Variants in RBM17 observed in about 807,000 individuals in gnomAD.
The protein encoded by RBM17 is splicing factor 45.
RBM17 carries 7 observed loss-of-function variants against 53.2 expected under a neutral mutation model. The observed-to-expected ratio is 0.13, with a 90% CI of 0.07 to 0.25. The LOEUF (loss-of-function observed/expected upper bound fraction) is 0.25. Ranked by LOEUF, RBM17 falls within the 10% of genes least tolerant of loss-of-function variation. The pLI, the probability that RBM17 is intolerant of heterozygous loss-of-function variation, is 1.00. For synonymous variants in RBM17, 167 were observed against 178.1 expected, an observed-to-expected ratio of 0.94 and a Z score of 0.50; for missense variants, 257 against 496.7, an observed-to-expected ratio of 0.52 and a Z score of 4.59.
chr10:6,110,060 G>A lies in RBM17; in HGVS notation c.637G>A (p.Val213Met). The change falls in exon 7 of 12, where the codon GTG becomes ATG. Residue 213 changes from valine (V) to methionine (M), a missense_variant. By Grantham distance (21) the Val-to-Met change is conservative (BLOSUM62 1). Coordinates refer to ENST00000379888, the MANE Select transcript of RBM17 (RefSeq NM_032905.5). The part of the protein sequence containing the change: ...QSSKAAIPPP[V>M]YEEQDRPRSP... ...TTCCAAAGCAGCCATTCCTCCCCCAGTGTACGAGGAACAAGACAGACCGAG... is the reference window on the plus strand; with the variant it reads ...TTCCAAAGCAGCCATTCCTCCCCCAATGTACGAGGAACAAGACAGACCGAG... 1 of 1,612,484 alleles carries A rather than the reference G, an allele frequency of 6.2e-7. No individual in the cohort carries two copies. Among genetic ancestry groups the A allele is most frequent in the Non-Finnish European group, 8.5e-7 (1 of 1,179,038 alleles).
intron 2 of RBM17, among the ~76,000 whole-genome samples, chr10:6,099,452 A>AG (rs937488548): frequency 9.2e-5 from 14 of 152,276 alleles, no homozygotes; most frequent in African/African-American, 3.4e-4. Context: ...TGGTGTCCAC[A>AG]GGGGATTGGT....
At position 6,113,529 on chromosome 10, in the gene RBM17, C is replaced by T; in HGVS notation, c.878C>T (p.Ser293Leu). The T allele has an allele frequency of 6.2e-7, 1 of 1,613,100 alleles. No homozygotes were observed. Among genetic ancestry groups the T allele is most frequent in the Non-Finnish European group, 8.5e-7 (1 of 1,179,192 alleles). ...ACAGATGCATCCAAGAAGTCAGATT[C>T]AAATCCGCTGACTGAAATACTTAAG... The part of the protein sequence containing the change: ...TEKDASKKSD[S>L]NPLTEILKCP... The change falls in exon 9 of 12, where the codon TCA (serine) becomes TTA (leucine). Residue 293 changes from serine (S) to leucine (L), a missense_variant. Coordinates refer to ENST00000379888, the MANE Select transcript of RBM17 (RefSeq NM_032905.5).
At chr10:6,102,993 T>C (rs759844937) in intron 3 of RBM17, among the ~76,000 whole-genome samples, 1 of 152,212 alleles carries the variant, frequency 6.6e-6, no homozygotes, top group Non-Finnish European at 1.5e-5. Flanking sequence ...GGTTTCACCA[T>C]GTTGCCCAGG....
Position 6,097,166 on chromosome 10 carries a change from A to C in RBM17, c.101A>C (p.Lys34Thr). The C allele has an allele frequency of 6.2e-7, 1 of 1,614,116 alleles. No homozygotes were observed. The highest frequency in any genetic ancestry group is 8.5e-7 in the Non-Finnish European group (1 of 1,179,982). The change falls in exon 2 of 12, where the codon AAG becomes ACG. Residue 34 changes from lysine (K) to threonine (T), a missense_variant. Coordinates refer to ENST00000379888, the MANE Select transcript of RBM17 (RefSeq NM_032905.5). ...CTGCAGTCTCAGCTTCAGGTGAAGA[A>C]GGCAGCTCTCACTCAGGCAAAGGTA... ...KLLQSQLQVK[K>T]AALTQAKSQR...
chr10:6,094,571 AAGATTAAAC>A (rs1232654059), intron 1 of RBM17, among the ~76,000 whole-genome samples: 31 of 152,362 alleles, frequency 2.0e-4, no homozygotes, highest in African/African-American at 6.3e-4. Context: ...GAGGGCTCAA[AAGATTAAAC>A]TAAGTTAGAT....
chr10:6,106,271 A>T, intron 5 of RBM17, 33 bp downstream of exon 5: 1 of 1,367,696 alleles, frequency 7.3e-7, no homozygotes, highest in Non-Finnish European at 1.0e-6. Context: ...TTAAACATAT[A>T]TAAATACTGG....
At position 6,101,396 on chromosome 10, in the gene RBM17, G is replaced by A. The variant is rs1486742051; in HGVS notation, c.240+9G>A. On this transcript the variant is annotated intron_variant, in intron 3 of 11. Transcript: ENST00000379888. Reference sequence around the variant, plus strand: ...TAGCAGCTGGGCTGAAGGTAAGCCCGCGCCTGCCTGTGAGCTTGATACGTG... The same window carrying A: ...TAGCAGCTGGGCTGAAGGTAAGCCCACGCCTGCCTGTGAGCTTGATACGTG... 38 of 1,560,968 alleles carry A rather than the reference G, an allele frequency of 2.4e-5. No individual in the cohort carries two copies. The highest frequency in any genetic ancestry group is 4.1e-5 in the African/African-American group (3 of 73,774).
intron 5 of RBM17, among the ~76,000 whole-genome samples, chr10:6,107,630 T>C (rs1840773996): frequency 6.6e-6 from 1 of 151,586 alleles, no homozygotes; most frequent in Admixed American, 6.6e-5. Flanking sequence ...TACAGGTGTG[T>C]GCCACCATGC....
chr10:6,101,575 T>G (rs1002498733), intron 3 of RBM17, among the ~76,000 whole-genome samples, 188 bp downstream of exon 3: 12 of 152,244 alleles, frequency 7.9e-5, no homozygotes, highest in Non-Finnish European at 1.5e-4. Context: ...TTAAATAGTT[T>G]GTTGTAGAAA....
At chr10:6,106,278 C>T (rs200227823) in intron 5 of RBM17, 40 bp downstream of exon 5, 20 of 1,299,904 alleles carry the variant, frequency 1.5e-5, no homozygotes, top group Non-Finnish European at 2.1e-5. Context: ...TATATAAATA[C>T]TGGAAGTGCA....
intron 1 of RBM17, among the ~76,000 whole-genome samples, chr10:6,092,906 A>G (rs1571025): frequency 0.2 from 30,025 of 152,286 alleles, 4,033 homozygotes; most frequent in African/African-American, 0.38. Context: ...TGATTTCTGA[A>G]ACTTTTGCGC....
At position 6,098,563 on chromosome 10, in the gene RBM17, G is replaced by GTTTTTTTTT. The variant is rs398012715; in HGVS notation, c.123+1397_123+1405dup. 1.7e-3 allele frequency among the ~76,000 whole-genome samples: 79 copies of GTTTTTTTTT among 46,656 alleles called. 3 individuals carry two copies. The highest frequency in any genetic ancestry group is 3.9e-3 in the African/African-American group (49 of 12,580). 30.6% of individuals were successfully genotyped at this position (46,656 alleles called of 152,430 possible). On this transcript the variant is annotated intron_variant, in intron 2 of 11. Coordinates refer to ENST00000379888, the MANE Select transcript of RBM17 (RefSeq NM_032905.5). ...AATTTCCGTAATACACAGGTTTTTTGTTTTTTTTTTTTTTTTTTTTTTTTT... is the reference window on the plus strand; with the variant it reads ...AATTTCCGTAATACACAGGTTTTTTGTTTTTTTTTTTTTTTTTTTTTTTTTTTTTTTTTT...
rs571693411 is a variant in RBM17, at chr10:6,116,147, C to T, written c.*591C>T. 6.6e-6 allele frequency: 1 copy of T among 152,468 alleles called. No individual in the cohort carries two copies. Among genetic ancestry groups the T allele is most frequent in the East Asian group, 1.9e-4 (1 of 5,330 alleles). 9.4% of individuals were successfully genotyped at this position (152,468 alleles called of 1,614,324 possible). ...ACATACCATGGCCTATTGGATGAAT[C>T]ATTTGCCGTAGGCTAAATCAGACTG... On this transcript the variant is annotated 3_prime_UTR_variant, in exon 12 of 12. Coordinates refer to ENST00000379888, the MANE Select transcript of RBM17 (RefSeq NM_032905.5).
chr10:6,108,464 A>G (rs1009087623), intron 5 of RBM17: 29 of 501,454 alleles, frequency 5.8e-5, no homozygotes, highest in Non-Finnish European at 9.0e-5. Context: ...CCTTTTATGA[A>G]GGAACAATTT....
chr10:6,092,796 G>A (rs1424054067), intron 1 of RBM17, among the ~76,000 whole-genome samples: 1 of 152,216 alleles, frequency 6.6e-6, no homozygotes, highest in Non-Finnish European at 1.5e-5. Flanking sequence ...AAAACTAGCA[G>A]GTGCTGGTAA....
intron 9 of RBM17, chr10:6,113,843 T>C (rs2274359): frequency 0.27 from 157,175 of 586,974 alleles, 23,412 homozygotes; most frequent in Middle Eastern, 0.36. Flanking sequence ...GGTGCTTGCA[T>C]AGATGCTTTT....
rs550625175 is a variant in RBM17 at position 6,099,402 on chromosome 10, T to C, written c.124-1869T>C. 1.0e-3 allele frequency among the ~76,000 whole-genome samples: 153 copies of C among 152,180 alleles called. 1 individual carries two copies. Among genetic ancestry groups the C allele is most frequent in the Non-Finnish European group, 1.4e-3 (95 of 68,006 alleles). On this transcript the variant is annotated intron_variant, in intron 2 of 11. Transcript: ENST00000379888. The stretch of plus-strand genomic sequence containing the variant: ...TGGTAGAGAAAATTTGAAGCTGTGG[T>C]TTCATTTGTATCTCCATTTGAAAAA...
chr10:6,095,799 A>C (rs1358489401), intron 1 of RBM17, among the ~76,000 whole-genome samples: 1 of 152,198 alleles, frequency 6.6e-6, no homozygotes, highest in African/African-American at 2.4e-5. Flanking sequence ...CACTCCACAC[A>C]GTGTGGTACC....
rs1368005328 is a variant in RBM17, at chr10:6,116,325, T to C, written c.*769T>C. The C allele has an allele frequency of 6.6e-6, 1 of 152,390 alleles. No homozygotes were observed. Among genetic ancestry groups the C allele is most frequent in the Non-Finnish European group, 1.5e-5 (1 of 68,040 alleles). The allele number at this position is 152,390 out of a possible 1,614,324, so 9.4% of individuals were successfully genotyped here. On this transcript the variant is annotated 3_prime_UTR_variant, in exon 12 of 12. Transcript: ENST00000379888. ...TGCATTGTAAATGTGTGCCCAGTTA[T>C]GTTTTGGAAATGGCAGTTCCTTGGG... is the stretch of plus-strand genomic sequence containing the variant.
Sources: gnomAD v4.1 joint callset for allele counts (sites outside exome capture counted in the v4.1 genomes callset) on GRCh38, gnomAD v4.1.1 for gene constraint, MANE v1.5 for transcripts, NCBI Gene and HGNC (gene_info 2026-07-23, HGNC 2026-07-21) for gene names.